KIAA1328: variants seen among roughly 807,000 people sequenced by gnomAD.
KIAA1328 encodes the protein protein hinderin.
A neutral mutation model predicts 68.1 loss-of-function variants in KIAA1328; 52 were observed. The ratio of observed to expected loss-of-function variants is 0.76; its 90% confidence interval spans 0.61 to 0.96. KIAA1328 has a LOEUF of 0.96. Ranked by LOEUF, KIAA1328 falls within the 40% of genes least tolerant of loss-of-function variation. The pLI is 0.00. For synonymous variants in KIAA1328, 232 were observed against 239.4 expected (o/e 0.97, Z 0.28); for missense variants, 641 against 677.6 (o/e 0.95, Z 0.60).
intron 5 of KIAA1328, among the ~76,000 whole-genome samples, chr18:36,899,670 G>A (rs2048973595): frequency 6.6e-6 from 1 of 151,932 alleles, no homozygotes. Context: ...ATGCTGAAAT[G>A]TTTTCTGTTT....
intron 4 of KIAA1328, among the ~76,000 whole-genome samples, chr18:36,873,886 G>A (rs531645448): frequency 1.8e-4 from 28 of 152,038 alleles, no homozygotes; most frequent in Non-Finnish European, 2.1e-4. Flanking sequence ...CCCTCCCTGT[G>A]CCCATATGTT....
At chr18:37,066,050 A>G (rs1375691523) in intron 6 of KIAA1328, among the ~76,000 whole-genome samples, 1 of 152,194 alleles carries the variant, frequency 6.6e-6, no homozygotes, top group Non-Finnish European at 1.5e-5. Flanking sequence ...AAAGATTTGG[A>G]AACTCTGGGG....
rs935637769 is a variant in KIAA1328 at position 37,165,452 on chromosome 18, C to T, written c.1414+5071C>T. 2.6e-5 allele frequency among the ~76,000 whole-genome samples: 4 copies of T among 151,344 alleles called. No individual in the cohort carries two copies. In the South Asian group the frequency reaches 6.3e-4, roughly 24 times the overall value. On this transcript the variant is annotated intron_variant, in intron 8 of 9. Transcript: ENST00000280020. ...TTATTTTTTTGAGAAGCAGTCTTGCCCTTGTTGCCCAGACTGGAGTGCAAT... is the reference window on the plus strand; with the variant it reads ...TTATTTTTTTGAGAAGCAGTCTTGCTCTTGTTGCCCAGACTGGAGTGCAAT...
At chr18:37,044,693 T>G (rs1179133499) in intron 6 of KIAA1328, among the ~76,000 whole-genome samples, 1 of 150,712 alleles carries the variant, frequency 6.6e-6, no homozygotes, top group Non-Finnish European at 1.5e-5. Flanking sequence ...CCCAGCTGTT[T>G]GGGAGGCTGA....
chr18:37,023,495 G>A (rs1030639106), intron 6 of KIAA1328, among the ~76,000 whole-genome samples: 5 of 152,158 alleles, frequency 3.3e-5, no homozygotes, highest in African/African-American at 1.2e-4. Flanking sequence ...AGACCGGTTA[G>A]AATCTATTTT....
rs557418107 is a variant in KIAA1328 at position 37,099,563 on chromosome 18, T to C, written c.1232+32018T>C. 1.1e-4 allele frequency among the ~76,000 whole-genome samples: 16 copies of C among 152,272 alleles called. 1 individual carries two copies. Among genetic ancestry groups the C allele is most frequent in the Admixed American group, 5.2e-4 (8 of 15,286 alleles). Reference sequence around the variant, plus strand: ...GAATGTATATTCTGTTGATTTGGGGTGGAGAGTTCTGTAGATGTCTATTAG... The same window carrying C: ...GAATGTATATTCTGTTGATTTGGGGCGGAGAGTTCTGTAGATGTCTATTAG... On this transcript the variant is annotated intron_variant, in intron 7 of 9. Coordinates refer to ENST00000280020, the MANE Select transcript of KIAA1328 (RefSeq NM_020776.3).
intron 6 of KIAA1328, among the ~76,000 whole-genome samples, chr18:37,022,919 A>G (rs967887756): frequency 6.6e-6 from 1 of 152,222 alleles, no homozygotes; most frequent in African/African-American, 2.4e-5. Context: ...TCAGGAAAAT[A>G]ATTTGAGTAT....
At chr18:36,912,800 A>G (rs543782384) in intron 5 of KIAA1328, among the ~76,000 whole-genome samples, 6 of 152,312 alleles carry the variant, frequency 3.9e-5, no homozygotes, top group South Asian at 2.1e-4. Context: ...GAGTCTGAGA[A>G]TGATCTTTCC....
At chr18:37,110,329 A>T (rs2057895542) in intron 7 of KIAA1328, among the ~76,000 whole-genome samples, 1 of 152,256 alleles carries the variant, frequency 6.6e-6, no homozygotes, top group Admixed American at 6.5e-5. Flanking sequence ...AGAGTTAAGG[A>T]ATAAGGCAAA....
intron 9 of KIAA1328, among the ~76,000 whole-genome samples, chr18:37,174,455 T>C (rs920406296): frequency 1.1e-4 from 16 of 147,954 alleles, no homozygotes; most frequent in Non-Finnish European, 2.2e-4. Flanking sequence ...CGATCTCAGC[T>C]CACTGCAACC....
chr18:37,169,060 T>A (rs2059444512), intron 8 of KIAA1328, among the ~76,000 whole-genome samples: 1 of 152,218 alleles, frequency 6.6e-6, no homozygotes, highest in East Asian at 1.9e-4. Context: ...TGTAAATGCA[T>A]TCACATATAT....
At chr18:37,099,274 G>A (rs929036165) in intron 7 of KIAA1328, among the ~76,000 whole-genome samples, 2 of 152,120 alleles carry the variant, frequency 1.3e-5, no homozygotes, top group African/African-American at 4.8e-5. Context: ...GGTACGTTGT[G>A]TCTTTGTTCT....
intron 6 of KIAA1328, among the ~76,000 whole-genome samples, chr18:36,960,567 C>T (rs2051620249): frequency 6.6e-6 from 1 of 152,140 alleles, no homozygotes; most frequent in Admixed American, 6.5e-5. Flanking sequence ...GGCCAACAGA[C>T]ACCTCATACA....
intron 6 of KIAA1328, among the ~76,000 whole-genome samples, chr18:36,996,797 A>G (rs561874747): frequency 1.6e-3 from 248 of 152,306 alleles, no homozygotes; most frequent in Non-Finnish European, 2.9e-3. Flanking sequence ...AAGAGAGAAA[A>G]CCACATGTAT....
intron 4 of KIAA1328, among the ~76,000 whole-genome samples, chr18:36,866,157 T>C (rs2047743866): frequency 6.6e-6 from 1 of 152,098 alleles, no homozygotes; most frequent in African/African-American, 2.4e-5. Context: ...GGGCTCTGAA[T>C]CTCTATGCTC....
intron 6 of KIAA1328, among the ~76,000 whole-genome samples, chr18:37,025,972 G>A (rs1407898409): frequency 6.6e-5 from 10 of 152,002 alleles, no homozygotes; most frequent in African/African-American, 1.7e-4. Context: ...TTCATAGACC[G>A]CTAGCAAGAC....
At chr18:37,157,594 G>A (rs1405597838) in intron 7 of KIAA1328, among the ~76,000 whole-genome samples, 3 of 151,650 alleles carry the variant, frequency 2.0e-5, no homozygotes, top group South Asian at 2.1e-4. Context: ...GGCAGATCAC[G>A]AGGTCAGGAG....
intron 6 of KIAA1328, among the ~76,000 whole-genome samples, chr18:37,018,833 C>T (rs1317564895): frequency 6.6e-6 from 1 of 151,580 alleles, no homozygotes; most frequent in Non-Finnish European, 1.5e-5. Context: ...TCCTAGATTG[C>T]TCTAGAAGTT....
In KIAA1328 at chr18:36,834,361, A is replaced by T; in HGVS notation, c.94+6A>T. 1.3e-6 allele frequency: 2 copies of T among 1,572,606 alleles called. No individual in the cohort carries two copies. Among genetic ancestry groups the T allele is most frequent in the Non-Finnish European group, 1.7e-6 (2 of 1,161,532 alleles). On this transcript the variant is annotated splice_donor_region_variant and intron_variant, in intron 2 of 9. Coordinates refer to ENST00000280020, the MANE Select transcript of KIAA1328 (RefSeq NM_020776.3). ...ATCAGTAGTATACGTTCCAGGTATG[A>T]TTTTCTATGTTAAAATTTGGGAAGC...
Sources: allele counts gnomAD v4.1 joint callset (sites outside exome capture counted in the v4.1 genomes callset), GRCh38; gene constraint gnomAD v4.1.1; transcripts MANE v1.5; gene names NCBI Gene and HGNC (gene_info 2026-07-23, HGNC 2026-07-21).